The following SSH2 variants were observed in gnomAD, a reference collection of about 807,000 sequenced individuals.
SSH2 encodes the protein slingshot protein phosphatase 2.
A neutral mutation model predicts 135.2 loss-of-function variants in SSH2; 37 were observed. The observed-to-expected ratio is 0.27, with a 90% CI of 0.21 to 0.36. The LOEUF (loss-of-function observed/expected upper bound fraction) is 0.36. Ranked by LOEUF, SSH2 falls within the 10% of genes least tolerant of loss-of-function variation. SSH2 has a pLI of 1.00. For synonymous variants in SSH2, 628 were observed against 646.2 expected (o/e 0.97, Z 0.43); for missense variants, 1,408 against 1,765.3 (o/e 0.80, Z 3.63).
chr17:29,697,557 T>C (rs552970081), intron 4 of SSH2, among the ~76,000 whole-genome samples: 1 of 152,244 alleles, frequency 6.6e-6, no homozygotes, highest in East Asian at 1.9e-4. Flanking sequence ...TTTGGGAGGC[T>C]GAAGCGGGGG....
chr17:29,749,341 T>C (rs773827271), intron 3 of SSH2, among the ~76,000 whole-genome samples: 5 of 152,296 alleles, frequency 3.3e-5, no homozygotes, highest in South Asian at 2.1e-4. Context: ...GTGAACATCA[T>C]AGAGTATACT....
chr17:29,662,520 C>A (rs2037092692), intron 11 of SSH2, among the ~76,000 whole-genome samples: 1 of 152,226 alleles, frequency 6.6e-6, no homozygotes, highest in Non-Finnish European at 1.5e-5. Flanking sequence ...GAATTTATCA[C>A]ATTCAGGGAC....
chr17:29,776,660 G>A (rs2041708217), intron 3 of SSH2: 1 of 152,208 alleles, frequency 6.6e-6, no homozygotes, highest in Non-Finnish European at 1.5e-5. Context: ...GACACAAGAA[G>A]TTGCAGCCTA....
chr17:29,917,474 T>A (rs1377103490), intron 1 of SSH2, among the ~76,000 whole-genome samples: 2 of 152,170 alleles, frequency 1.3e-5, no homozygotes, highest in Non-Finnish European at 2.9e-5. Context: ...TCTTGTAAAT[T>A]TGAAGGCAAA....
chr17:29,650,859 G>A, intron 12 of SSH2, 59 bp from the exon 13 acceptor site: 2 of 1,389,340 alleles, frequency 1.4e-6, no homozygotes, highest in East Asian at 5.2e-5. Context: ...CCAATTCCCA[G>A]CACTGTTTTT....
intron 3 of SSH2, among the ~76,000 whole-genome samples, chr17:29,751,503 C>T (rs986083556): frequency 3.9e-5 from 6 of 152,098 alleles, no homozygotes; most frequent in Admixed American, 1.3e-4. Flanking sequence ...AAACCAGCAA[C>T]GCAGTCGCTT....
chr17:29,704,631 A>G (rs1182352652), intron 3 of SSH2, among the ~76,000 whole-genome samples: 1 of 143,828 alleles, frequency 7.0e-6, no homozygotes, highest in Non-Finnish European at 1.5e-5. Context: ...TGAGCCTAGG[A>G]GTTCGAGATT....
intron 14 of SSH2, among the ~76,000 whole-genome samples, chr17:29,647,290 T>G (rs2036413031): frequency 6.7e-6 from 1 of 149,668 alleles, no homozygotes; most frequent in African/African-American, 2.5e-5. Flanking sequence ...GGCCAAAGGT[T>G]GCAGCGAGCC....
At chr17:29,836,584 G>A (rs533242434) in intron 2 of SSH2, among the ~76,000 whole-genome samples, 18 of 152,272 alleles carry the variant, frequency 1.2e-4, no homozygotes, top group Non-Finnish European at 2.5e-4. Flanking sequence ...GTGAAATAAC[G>A]TACGTACTAA....
At chr17:29,858,654 G>T (rs549721598) in intron 1 of SSH2, among the ~76,000 whole-genome samples, 157 of 152,208 alleles carry the variant, frequency 1.0e-3, no homozygotes, top group Non-Finnish European at 1.9e-3. Flanking sequence ...CAAGGCAAGA[G>T]AATCACTTGA....
intron 1 of SSH2, among the ~76,000 whole-genome samples, chr17:29,884,579 C>G (rs1256678231): frequency 3.3e-5 from 5 of 152,190 alleles, no homozygotes; most frequent in African/African-American, 7.2e-5. Flanking sequence ...ACATATTCCA[C>G]AGGATTACAT....
At chr17:29,903,148 T>A (rs1691020310) in intron 1 of SSH2, among the ~76,000 whole-genome samples, 1 of 151,762 alleles carries the variant, frequency 6.6e-6, no homozygotes, top group South Asian at 2.1e-4. Flanking sequence ...ATGGTGCCAC[T>A]GCATTCCAGC....
At chr17:29,897,021 T>A (rs1225969139) in intron 1 of SSH2, among the ~76,000 whole-genome samples, 1 of 151,786 alleles carries the variant, frequency 6.6e-6, no homozygotes, top group Non-Finnish European at 1.5e-5. Context: ...TATGGGTGTG[T>A]ATATATATAT....
chr17:29,750,877 T>G (rs559407201), intron 3 of SSH2, among the ~76,000 whole-genome samples: 226 of 143,312 alleles, frequency 1.6e-3, no homozygotes, highest in Non-Finnish European at 2.9e-3. Flanking sequence ...AAAAAAAAAG[T>G]ATTTTTTTTT....
intron 9 of SSH2, 75 bp downstream of exon 9, chr17:29,671,860 G>A: frequency 7.9e-7 from 1 of 1,265,200 alleles, no homozygotes; most frequent in South Asian, 1.4e-5. Context: ...GAAAAGATTA[G>A]GGAGGAACAT....
chr17:29,864,040 C>T (rs1273777683), intron 1 of SSH2: 1 of 152,128 alleles, frequency 6.6e-6, no homozygotes, highest in Non-Finnish European at 1.5e-5. Context: ...CGCGGTGGCT[C>T]ACGCCTGTAC....
At chr17:29,719,855 C>T (rs1321801745) in intron 3 of SSH2, among the ~76,000 whole-genome samples, 1 of 152,202 alleles carries the variant, frequency 6.6e-6, no homozygotes, top group African/African-American at 2.4e-5. Flanking sequence ...CTCCTGGGTT[C>T]AAGTGATTCT....
intron 1 of SSH2, among the ~76,000 whole-genome samples, chr17:29,887,115 C>T (rs1459723630): frequency 6.6e-6 from 1 of 152,138 alleles, no homozygotes; most frequent in African/African-American, 2.4e-5. Flanking sequence ...CATCATGCAG[C>T]TTATACTACT....
intron 3 of SSH2, among the ~76,000 whole-genome samples, chr17:29,741,678 C>T (rs369326058): frequency 2.7e-5 from 4 of 148,942 alleles, no homozygotes; most frequent in Admixed American, 1.4e-4. Context: ...TGCAGTGGCG[C>T]GATCTCAGCT....
Sources: gnomAD v4.1 joint callset for allele counts (sites outside exome capture counted in the v4.1 genomes callset) on GRCh38, gnomAD v4.1.1 for gene constraint, MANE v1.5 for transcripts, NCBI Gene and HGNC (gene_info 2026-07-23, HGNC 2026-07-21) for gene names.